SHISA6: variants seen among roughly 807,000 people sequenced by gnomAD.
The protein encoded by SHISA6 is shisa family member 6, also known as protein shisa-6.
Under a neutral mutation model 47.9 loss-of-function variants are expected in SHISA6, and 22 were observed. That is an observed-to-expected ratio of 0.46 (90% CI 0.33 to 0.66). The LOEUF is 0.66. Ranked by LOEUF, SHISA6 falls within the 30% of genes least tolerant of loss-of-function variation. SHISA6 has a pLI of 0.02. For synonymous variants in SHISA6, 388 were observed against 337.8 expected (o/e 1.15, Z -1.63); for missense variants, 680 against 764.6 (o/e 0.89, Z 1.30).
chr17:11,330,952 A>G (rs553192507), intron 2 of SHISA6, among the ~76,000 whole-genome samples: 1 of 152,334 alleles, frequency 6.6e-6, no homozygotes, highest in Admixed American at 6.5e-5. Context: ...TTGGATATAT[A>G]CAGTCTTGGA....
At chr17:11,270,130 C>T (rs1470423181) in intron 2 of SHISA6, among the ~76,000 whole-genome samples, 1 of 152,162 alleles carries the variant, frequency 6.6e-6, no homozygotes, top group Non-Finnish European at 1.5e-5. Flanking sequence ...TGTGCATCAC[C>T]ACCCCCAGCT....
chr17:11,395,759 C>A (rs1482063985), intron 3 of SHISA6, among the ~76,000 whole-genome samples: 1 of 152,126 alleles, frequency 6.6e-6, no homozygotes, highest in African/African-American at 2.4e-5. Context: ...CTCAAGTGAT[C>A]TACCAGCCTC....
chr17:11,315,623 C>T (rs1246180514), intron 2 of SHISA6, among the ~76,000 whole-genome samples: 2 of 152,044 alleles, frequency 1.3e-5, no homozygotes, highest in African/African-American at 2.4e-5. Context: ...TAAAAAATAA[C>T]TTTTTCTGCA....
At chr17:11,379,366 T>G in intron 2 of SHISA6, 48 bp from the exon 3 acceptor site, 2 of 1,333,384 alleles carry the variant, frequency 1.5e-6, no homozygotes, top group South Asian at 1.3e-5. Flanking sequence ...TTGTCTTCCA[T>G]GTTGGTGTCG....
chr17:11,272,345 G>A (rs1055068825), intron 2 of SHISA6, among the ~76,000 whole-genome samples: 1 of 152,014 alleles, frequency 6.6e-6, no homozygotes, highest in Non-Finnish European at 1.5e-5. Context: ...CCAGGCTCCC[G>A]CGTGGCTCTC....
chr17:11,290,306 A>C (rs1222368633), intron 2 of SHISA6: 1 of 151,482 alleles, frequency 6.6e-6, no homozygotes, highest in African/African-American at 2.4e-5. Flanking sequence ...TTAATATATC[A>C]TGATTAGGAG....
At chr17:11,270,234 A>T (rs1405542252) in intron 2 of SHISA6, among the ~76,000 whole-genome samples, 1 of 152,218 alleles carries the variant, frequency 6.6e-6, no homozygotes, top group African/African-American at 2.4e-5. Flanking sequence ...TTCGCCTCCC[A>T]AAGTGCTGGG....
chr17:11,350,905 G>T (rs986994236), intron 2 of SHISA6, among the ~76,000 whole-genome samples: 3 of 152,148 alleles, frequency 2.0e-5, no homozygotes, highest in Non-Finnish European at 4.4e-5. Flanking sequence ...ATGCCCATCA[G>T]TTATAGACTG....
chr17:11,524,477 TTTTC>T (rs2071658482), intron 3 of SHISA6, among the ~76,000 whole-genome samples: 1 of 151,354 alleles, frequency 6.6e-6, no homozygotes, highest in African/African-American at 2.4e-5. Context: ...CCATAATTTC[TTTTC>T]TTTTTTTCTT....
At chr17:11,429,228 C>T (rs1004484285) in intron 3 of SHISA6, among the ~76,000 whole-genome samples, 2 of 152,182 alleles carry the variant, frequency 1.3e-5, no homozygotes, top group African/African-American at 4.8e-5. Flanking sequence ...GCCCCTCCAA[C>T]ATGGCAGCTG....
intron 2 of SHISA6, among the ~76,000 whole-genome samples, chr17:11,311,526 T>G (rs1315601217): frequency 6.6e-6 from 1 of 152,212 alleles, no homozygotes; most frequent in African/African-American, 2.4e-5. Flanking sequence ...TCTTTTTTCC[T>G]TAGCAGCATA....
At chr17:11,424,869 C>T (rs763827965) in intron 3 of SHISA6, among the ~76,000 whole-genome samples, 16 of 151,638 alleles carry the variant, frequency 1.1e-4, no homozygotes, top group Admixed American at 2.0e-4. Flanking sequence ...CGGGCATGGG[C>T]GTGGTGGCGG....
intron 3 of SHISA6, among the ~76,000 whole-genome samples, chr17:11,465,065 T>C (rs1191119791): frequency 6.6e-6 from 1 of 152,186 alleles, no homozygotes; most frequent in Non-Finnish European, 1.5e-5. Flanking sequence ...AAGATTAAAC[T>C]CCTTGTACCA....
At chr17:11,481,334 A>G (rs1323131129) in intron 3 of SHISA6, among the ~76,000 whole-genome samples, 4 of 94,734 alleles carry the variant, frequency 4.2e-5, no homozygotes, top group African/African-American at 1.4e-4. Flanking sequence ...CAAAAAATAT[A>G]TATGTGTGTG....
chr17:11,284,786 A>G (rs1909240236), intron 2 of SHISA6, among the ~76,000 whole-genome samples: 1 of 152,176 alleles, frequency 6.6e-6, no homozygotes, highest in Non-Finnish European at 1.5e-5. Flanking sequence ...CATGAATCCT[A>G]CTTAAACTTT....
intron 3 of SHISA6, among the ~76,000 whole-genome samples, chr17:11,501,398 C>T (rs2071452034): frequency 6.6e-6 from 1 of 152,132 alleles, no homozygotes; most frequent in Non-Finnish European, 1.5e-5. Flanking sequence ...AGGTGTCCAA[C>T]AAATTTTTAA....
intron 4 of SHISA6, among the ~76,000 whole-genome samples, chr17:11,553,431 T>A (rs59814691): frequency 1.3e-5 from 2 of 152,196 alleles, no homozygotes; most frequent in South Asian, 4.1e-4. Context: ...GACTCCTGAA[T>A]ACAACAGGAG....
intron 3 of SHISA6, among the ~76,000 whole-genome samples, chr17:11,531,132 G>A (rs1426424978): frequency 6.6e-6 from 1 of 151,836 alleles, no homozygotes; most frequent in Non-Finnish European, 1.5e-5. Flanking sequence ...GGGTTAATAT[G>A]GTGGCTCTGT....
chr17:11,477,551 C>T (rs1273634881), intron 3 of SHISA6, among the ~76,000 whole-genome samples: 4 of 147,890 alleles, frequency 2.7e-5, no homozygotes, highest in East Asian at 2.0e-4. Flanking sequence ...GTATACCTCC[C>T]GATGCTATCC....
Sources: allele counts gnomAD v4.1 joint callset (sites outside exome capture counted in the v4.1 genomes callset), GRCh38; gene constraint gnomAD v4.1.1; transcripts MANE v1.5; gene names NCBI Gene and HGNC (gene_info 2026-07-23, HGNC 2026-07-21).